PIK3CD: variants seen among roughly 807,000 people sequenced by gnomAD.
PIK3CD encodes phosphatidylinositol 4,5-bisphosphate 3-kinase catalytic subunit delta isoform.
Under a neutral mutation model 122.9 loss-of-function variants are expected in PIK3CD, and 20 were observed. The observed-to-expected ratio is 0.16, with a 90% confidence interval of 0.11 to 0.24. The LOEUF is 0.24. PIK3CD is among the 10% of genes least tolerant of loss of function. The pLI, the probability that PIK3CD is intolerant of heterozygous loss-of-function variation, is 1.00. For missense variants in PIK3CD, 787 were observed against 1,406.3 expected (o/e 0.56, Z 7.04); for synonymous variants, 596 against 593.4 (o/e 1.00, Z -0.06).
intron 1 of PIK3CD, among the ~76,000 whole-genome samples, chr1:9,657,341 C>T (rs1419244716): frequency 6.6e-6 from 1 of 152,254 alleles, no homozygotes; most frequent in Admixed American, 6.5e-5. Context: ...TGGGGGCCAC[C>T]AATCAGCCCG....
intron 13 of PIK3CD, 31 bp from the exon 14 acceptor site, chr1:9,721,096 C>T (rs1329239430): frequency 1.6e-5 from 26 of 1,594,588 alleles, no homozygotes; most frequent in East Asian, 2.2e-5. Context: ...TGACCCCGGC[C>T]GCCCCCAAGC....
chr1:9,661,406 C>T (rs1342905134), intron 1 of PIK3CD, among the ~76,000 whole-genome samples: 1 of 150,900 alleles, frequency 6.6e-6, no homozygotes, highest in African/African-American at 2.4e-5. Context: ...TTTTCTTTTT[C>T]CTTATAGGGT....
chr1:9,726,931 C>T lies in PIK3CD; in HGVS notation c.3020C>T (p.Thr1007Ile). The change falls in exon 24 of 24, where the codon ACA (threonine) becomes ATA (isoleucine). Residue 1007 changes from threonine to isoleucine, a missense_variant. Thr to Ile is a moderately conservative substitution (Grantham distance 89). Around this residue, in one of 6 missense-constraint regions of PIK3CD, gnomAD observed 60 missense variants for 129.5 expected, o/e 0.46. Coordinates refer to ENST00000377346, the MANE Select transcript of PIK3CD (RefSeq NM_005026.5). The part of the protein sequence containing the change: ...YLKDSLALGK[T>I]EEEALKHFRV... ...CAGGACTCCCTGGCACTGGGGAAAA[C>T]AGAGGAGGAGGCACTGAAGCACTTC... 1 of 1,613,878 alleles carries T rather than the reference C, an allele frequency of 6.2e-7. No individual in the cohort carries two copies. The highest frequency in any genetic ancestry group is 8.5e-7 in the Non-Finnish European group (1 of 1,179,870).
intron 2 of PIK3CD, among the ~76,000 whole-genome samples, chr1:9,703,344 C>T (rs559529510): frequency 6.6e-6 from 1 of 152,320 alleles, no homozygotes; most frequent in South Asian, 2.1e-4. Context: ...TTGGCTGTGT[C>T]TGAGTCTCAG....
intron 2 of PIK3CD, among the ~76,000 whole-genome samples, chr1:9,702,500 C>CCTTTTTTTTTTTTTTTTTTT (rs1646675709): frequency 1.9e-4 from 5 of 25,804 alleles, no homozygotes; most frequent in Non-Finnish European, 5.2e-4. Context: ...AAGAACTTTC[C>CCTTTTTTTTTTTTTTTTTTT]TTTTTTTTTT....
chr1:9,683,424 T>G (rs546501909), intron 1 of PIK3CD, among the ~76,000 whole-genome samples: 9 of 145,682 alleles, frequency 6.2e-5, no homozygotes, highest in African/African-American at 1.8e-4. Context: ...GGCGACAGAG[T>G]GAGACTCTGT....
chr1:9,645,604 A>ATT, the PIK3CD span, among the ~76,000 whole-genome samples: 740 of 131,780 alleles, frequency 5.6e-3, 7 homozygotes, highest in South Asian at 0.028. Context: ...GGAATGGCTA[A>ATT]TTTTTTTTTT....
rs191196037 is a variant in PIK3CD, at chr1:9,707,926, T to C, written c.-32-2498T>C. ...CTCCTGCCTCAGCCTCCCAAGTAGC[T>C]GGGACTATGGGTGCCCGCCACCACG... is the stretch of plus-strand genomic sequence containing the variant. On this transcript the variant is annotated intron_variant, in intron 2 of 23. Transcript: ENST00000377346. 2.6e-5 allele frequency among the ~76,000 whole-genome samples: 4 copies of C among 151,614 alleles called. No homozygotes were observed. In the East Asian group the frequency reaches 7.8e-4, roughly 30 times the overall value.
At chr1:9,678,005 G>A (rs1002325444) in intron 1 of PIK3CD, among the ~76,000 whole-genome samples, 4 of 152,076 alleles carry the variant, frequency 2.6e-5, no homozygotes, top group Non-Finnish European at 2.9e-5. Flanking sequence ...TTAGCTGGGT[G>A]TGGTGGCGCC....
intron 2 of PIK3CD, among the ~76,000 whole-genome samples, chr1:9,694,793 T>C (rs1417831935): frequency 1.3e-5 from 2 of 151,960 alleles, no homozygotes; most frequent in East Asian, 1.9e-4. Flanking sequence ...GGAAATCCTC[T>C]CTCTACATAA....
At chr1:9,681,935 G>A (rs561370393) in intron 1 of PIK3CD, among the ~76,000 whole-genome samples, 9 of 152,290 alleles carry the variant, frequency 5.9e-5, no homozygotes, top group African/African-American at 2.2e-4. Flanking sequence ...TTCTGGAAGG[G>A]ATTTCAGTCT....
chr1:9,664,324 C>T lies in PIK3CD; in HGVS notation c.-138+12522C>T, dbSNP rs151139390. Among the ~76,000 whole-genome samples, 77 of 152,302 alleles carry T rather than the reference C, an allele frequency of 5.1e-4. No homozygotes were observed. The East Asian group carries it at 0.015, about 29-fold the overall frequency. On this transcript the variant is annotated intron_variant, in intron 1 of 23. Transcript: ENST00000377346. ...TTGGCCTCCCAAAGTACTGGGATTA[C>T]AGGCGTGAACCACTGCACCCAGCCT...
At chr1:9,694,449 G>C (rs980422522) in intron 2 of PIK3CD, among the ~76,000 whole-genome samples, 1 of 152,210 alleles carries the variant, frequency 6.6e-6, no homozygotes, top group Non-Finnish European at 1.5e-5. Flanking sequence ...TAGGAGAATC[G>C]CTTGAACCTG....
chr1:9,684,803 G>A (rs1291777389), intron 1 of PIK3CD, among the ~76,000 whole-genome samples: 2 of 140,074 alleles, frequency 1.4e-5, no homozygotes, highest in Non-Finnish European at 3.0e-5. Flanking sequence ...CTGTGATAGC[G>A]CCACTGCACT....
intron 2 of PIK3CD, among the ~76,000 whole-genome samples, chr1:9,695,045 A>T (rs972318696): frequency 2.0e-5 from 3 of 152,200 alleles, no homozygotes; most frequent in African/African-American, 4.8e-5. Context: ...AGAAAAAAAA[A>T]TTTGAGAAGT....
intron 1 of PIK3CD, among the ~76,000 whole-genome samples, chr1:9,685,836 C>A (rs879667479): frequency 6.6e-6 from 1 of 152,156 alleles, no homozygotes; most frequent in African/African-American, 2.4e-5. Context: ...CAACTACAGG[C>A]GCCCTCAGTC....
chr1:9,696,627 G>A (rs1021176060), intron 2 of PIK3CD, among the ~76,000 whole-genome samples: 1 of 151,120 alleles, frequency 6.6e-6, no homozygotes, highest in Admixed American at 6.6e-5. Flanking sequence ...GCATGTGCCT[G>A]TAGTCACAGC....
At chr1:9,637,618 T>C in the PIK3CD span, among the ~76,000 whole-genome samples, 1 of 152,126 alleles carries the variant, frequency 6.6e-6, no homozygotes, top group Admixed American at 6.6e-5. Context: ...CTCTGGAGGC[T>C]GTAGGGAAGG....
At chr1:9,664,463 G>T (rs958773304) in intron 1 of PIK3CD, among the ~76,000 whole-genome samples, 3 of 152,190 alleles carry the variant, frequency 2.0e-5, no homozygotes, top group Non-Finnish European at 4.4e-5. Context: ...CCCACAAGGG[G>T]AGGGTGAACT....
Sources: allele counts gnomAD v4.1 joint callset (sites outside exome capture counted in the v4.1 genomes callset), GRCh38; gene constraint gnomAD v4.1.1; regional missense constraint gnomAD v4.1.1; transcripts MANE v1.5; gene names NCBI Gene and HGNC (gene_info 2026-07-23, HGNC 2026-07-21).